The following LRBA variants were observed in gnomAD, a reference collection of about 807,000 sequenced individuals.
LRBA encodes lipopolysaccharide-responsive and beige-like anchor protein.
In LRBA, 176 loss-of-function variants were observed where a neutral mutation model predicts 330.0. The observed-to-expected ratio is 0.53, with a 90% CI of 0.47 to 0.60. The LOEUF is 0.60. Ranked by LOEUF, LRBA falls within the 20% of genes least tolerant of loss-of-function variation. The pLI, the probability that LRBA is intolerant of heterozygous loss-of-function variation, is 0.00. For missense variants in LRBA, 3,259 were observed against 3,444.8 expected (o/e 0.95, Z 1.35); for synonymous variants, 1,230 against 1,193.0 (o/e 1.03, Z -0.64).
At chr4:150,279,394 T>G (rs1747221533) in intron 55 of LRBA, among the ~76,000 whole-genome samples, 1 of 152,204 alleles carries the variant, frequency 6.6e-6, no homozygotes, top group African/African-American at 2.4e-5. Context: ...GTGGATGGCA[T>G]CAGAGTTTTA....
chr4:150,822,489 G>A (rs1001728780), intron 30 of LRBA, among the ~76,000 whole-genome samples: 1 of 152,140 alleles, frequency 6.6e-6, no homozygotes, highest in African/African-American at 2.4e-5. Context: ...AGAATAGACA[G>A]GGCACAGTGG....
intron 33 of LRBA, among the ~76,000 whole-genome samples, chr4:150,802,514 CAT>C (rs1339814690): frequency 6.6e-6 from 1 of 151,892 alleles, no homozygotes; most frequent in Non-Finnish European, 1.5e-5. Context: ...AATTGTAAGA[CAT>C]AATTTAAAAT....
chr4:150,628,476 T>A (rs1387155765), intron 37 of LRBA, among the ~76,000 whole-genome samples: 2 of 152,210 alleles, frequency 1.3e-5, no homozygotes, highest in Non-Finnish European at 2.9e-5. Context: ...GTTTTAAACC[T>A]CAGATAATGT....
At chr4:150,696,503 T>C (rs373608863) in intron 36 of LRBA, among the ~76,000 whole-genome samples, 8 of 152,272 alleles carry the variant, frequency 5.3e-5, no homozygotes, top group East Asian at 1.9e-4. Context: ...GATTAGAACA[T>C]TGCCAGTCAT....
At chr4:150,939,904 C>T (rs1735482369) in intron 2 of LRBA, among the ~76,000 whole-genome samples, 1 of 152,146 alleles carries the variant, frequency 6.6e-6, no homozygotes, top group African/African-American at 2.4e-5. Flanking sequence ...GGTACACTAA[C>T]AGGCCAGACT....
intron 17 of LRBA, among the ~76,000 whole-genome samples, chr4:150,888,867 C>T (rs1456075665): frequency 1.3e-5 from 2 of 152,006 alleles, no homozygotes; most frequent in Admixed American, 6.5e-5. Flanking sequence ...TAAATAAAAC[C>T]TACAACTATT....
chr4:150,635,752 T>C (rs1777830684), intron 37 of LRBA, among the ~76,000 whole-genome samples: 1 of 152,166 alleles, frequency 6.6e-6, no homozygotes, highest in South Asian at 2.1e-4. Flanking sequence ...TGATACATTA[T>C]TACCTTCCGA....
At chr4:150,391,972 TAAA>T (rs150931536) in intron 47 of LRBA, among the ~76,000 whole-genome samples, 43,404 of 107,378 alleles carry the variant, frequency 0.4, 9,061 homozygotes, top group Middle Eastern at 0.49. Context: ...TGTTACTCTT[TAAA>T]AAAAAAAAAA....
intron 44 of LRBA, among the ~76,000 whole-genome samples, chr4:150,446,687 A>T (rs766359115): frequency 2.0e-5 from 3 of 152,208 alleles, no homozygotes; most frequent in Non-Finnish European, 4.4e-5. Context: ...CCTCAAGGAA[A>T]GCAAAATCCA....
At chr4:150,338,025 G>C (rs1289307978) in intron 48 of LRBA, among the ~76,000 whole-genome samples, 1 of 152,142 alleles carries the variant, frequency 6.6e-6, no homozygotes, top group Non-Finnish European at 1.5e-5. Flanking sequence ...TGCTACTGCT[G>C]TCATGAAACT....
chr4:150,413,475 T>C lies in LRBA; in HGVS notation c.7194+1963A>G, dbSNP rs114215326. 3.7e-3 allele frequency among the ~76,000 whole-genome samples: 568 copies of C among 152,250 alleles called. 1 individual carries two copies. Among genetic ancestry groups the C allele is most frequent in the African/African-American group, 0.013 (520 of 41,550 alleles). ...TACAAAGAAATTAACTACTGATATA[T>C]GCACAACATGGATGAATCTCAAAAA... is the stretch of plus-strand genomic sequence containing the variant. On this transcript the variant is annotated intron_variant, in intron 47 of 56. Coordinates refer to ENST00000651943, the MANE Select transcript of LRBA (RefSeq NM_001364905.1).
At chr4:150,787,618 A>T (rs777033849) in intron 34 of LRBA, among the ~76,000 whole-genome samples, 5 of 152,208 alleles carry the variant, frequency 3.3e-5, no homozygotes, top group Non-Finnish European at 5.9e-5. Flanking sequence ...CACATCCTGT[A>T]AAATGGGGTA....
At chr4:150,795,705 T>C (rs1740682652) in intron 34 of LRBA, among the ~76,000 whole-genome samples, 3 of 152,098 alleles carry the variant, frequency 2.0e-5, no homozygotes, top group South Asian at 2.1e-4. Context: ...CAACTATTGG[T>C]AAATGAGTGG....
chr4:150,694,320 CACTT>C (rs1784418271), intron 36 of LRBA, among the ~76,000 whole-genome samples: 1 of 151,974 alleles, frequency 6.6e-6, no homozygotes, highest in African/African-American at 2.4e-5. Context: ...GTCTCAAAAT[CACTT>C]ACACTATAAA....
chr4:150,966,266 C>G (rs773951597), intron 2 of LRBA, among the ~76,000 whole-genome samples: 2 of 151,352 alleles, frequency 1.3e-5, no homozygotes, highest in Non-Finnish European at 2.9e-5. Context: ...AGCTCATTCT[C>G]TTAAGTGCTA....
chr4:150,925,918 A>T (rs1214770477), intron 4 of LRBA, among the ~76,000 whole-genome samples: 1 of 151,722 alleles, frequency 6.6e-6, no homozygotes, highest in Non-Finnish European at 1.5e-5. Context: ...AAAATGTATC[A>T]AACAAAAACA....
Position 150,915,666 on chromosome 4 carries a change from T to C in LRBA, c.956A>G (p.Tyr319Cys). The change falls in exon 8 of 57, where the codon TAT becomes TGT. Residue 319 changes from tyrosine to cysteine, a missense_variant. Physicochemically the swap from Tyr to Cys is radical, Grantham distance 194. Coordinates refer to ENST00000651943, the MANE Select transcript of LRBA (RefSeq NM_001364905.1). ...ATAGGAAGCCAGCTCACCATTCACA[T>C]AACATCGAAGTTCACTATTCTTCCA... ...NRWKNSELRC[Y>C]VNGELASYGE... 1 of 1,612,832 alleles carries C rather than the reference T, an allele frequency of 6.2e-7. No homozygotes were observed. Among genetic ancestry groups the C allele is most frequent in the Non-Finnish European group, 8.5e-7 (1 of 1,179,062 alleles).
chr4:150,278,512 G>A (rs1031547405), intron 55 of LRBA, among the ~76,000 whole-genome samples: 1 of 152,182 alleles, frequency 6.6e-6, no homozygotes, highest in Non-Finnish European at 1.5e-5. Flanking sequence ...TTTGTAGAGA[G>A]CTACAACAAC....
At chr4:151,002,997 G>A (rs961734474) in intron 2 of LRBA, among the ~76,000 whole-genome samples, 3 of 152,004 alleles carry the variant, frequency 2.0e-5, no homozygotes, top group Non-Finnish European at 1.5e-5. Context: ...CTGGGCAATA[G>A]AGCAAGACCT....
Sources: allele counts gnomAD v4.1 joint callset (sites outside exome capture counted in the v4.1 genomes callset), GRCh38; gene constraint gnomAD v4.1.1; transcripts MANE v1.5; gene names NCBI Gene and HGNC (gene_info 2026-07-23, HGNC 2026-07-21).